WDR7: variants seen among roughly 807,000 people sequenced by gnomAD.
WDR7 encodes WD repeat-containing protein 7.
In WDR7, 46 loss-of-function variants were observed where a neutral mutation model predicts 169.4. The ratio of observed to expected loss-of-function variants is 0.27; its 90% CI spans 0.21 to 0.35. The LOEUF (loss-of-function observed/expected upper bound fraction) is 0.35, where lower values mean the gene tolerates loss of function less well. Ranked by LOEUF, WDR7 falls within the 10% of genes least tolerant of loss-of-function variation. The probability of loss-of-function intolerance (pLI) is 1.00; values close to 1 mark genes in which losing one functional copy is unlikely to be tolerated. For synonymous variants in WDR7, 612 were observed against 666.8 expected, an observed-to-expected ratio of 0.92 and a Z score of 1.27; for missense variants, 1,534 against 1,859.3, an observed-to-expected ratio of 0.83 and a Z score of 3.22.
chr18:56,667,850 A>G (rs2025056112), intron 1 of WDR7, among the ~76,000 whole-genome samples: 1 of 152,118 alleles, frequency 6.6e-6, no homozygotes, highest in Admixed American at 6.5e-5. Context: ...TTCACCATAT[A>G]TTTATTAAAG....
At chr18:56,719,987 A>G (rs1416320258) in intron 13 of WDR7, among the ~76,000 whole-genome samples, 1 of 152,158 alleles carries the variant, frequency 6.6e-6, no homozygotes, top group Non-Finnish European at 1.5e-5. Flanking sequence ...ATGCATGTGT[A>G]TCTATTTCCT....
intron 20 of WDR7, among the ~76,000 whole-genome samples, chr18:56,829,385 C>T (rs1482037606): frequency 1.3e-5 from 2 of 152,140 alleles, no homozygotes; most frequent in Middle Eastern, 3.4e-3. Context: ...GAGAGAGAAG[C>T]ATTTAGGCTG....
At chr18:56,955,114 T>C (rs531511843) in intron 25 of WDR7, among the ~76,000 whole-genome samples, 1 of 152,310 alleles carries the variant, frequency 6.6e-6, no homozygotes, top group East Asian at 1.9e-4. Flanking sequence ...TAATGGGATG[T>C]AAAGTAGCTT....
chr18:56,969,464 A>G (rs545959233), intron 26 of WDR7, among the ~76,000 whole-genome samples: 174 of 152,354 alleles, frequency 1.1e-3, no homozygotes, highest in African/African-American at 4.1e-3. Flanking sequence ...TTACACAGGA[A>G]GCATTCAGAA....
At chr18:56,974,185 C>T (rs2047531643) in intron 26 of WDR7, among the ~76,000 whole-genome samples, 1 of 152,082 alleles carries the variant, frequency 6.6e-6, no homozygotes, top group Non-Finnish European at 1.5e-5. Flanking sequence ...CACCTAATTT[C>T]ATGTGTGTAC....
chr18:56,991,714 C>G (rs988546254), intron 26 of WDR7, among the ~76,000 whole-genome samples: 2 of 152,102 alleles, frequency 1.3e-5, no homozygotes, highest in Non-Finnish European at 2.9e-5. Flanking sequence ...TAACTGATAC[C>G]TTTATTTGAA....
At chr18:56,912,361 C>T (rs2046564582) in intron 21 of WDR7, among the ~76,000 whole-genome samples, 1 of 152,238 alleles carries the variant, frequency 6.6e-6, no homozygotes, top group African/African-American at 2.4e-5. Context: ...GTTACAGGAA[C>T]ACCAAGTTTA....
At chr18:56,868,878 T>G (rs1237340227) in intron 20 of WDR7, among the ~76,000 whole-genome samples, 1 of 152,182 alleles carries the variant, frequency 6.6e-6, no homozygotes. Flanking sequence ...ATAAGACTTC[T>G]GATTACTTAG....
At chr18:56,660,356 G>T (rs767597476) in intron 1 of WDR7, among the ~76,000 whole-genome samples, 18 of 152,140 alleles carry the variant, frequency 1.2e-4, no homozygotes, top group Non-Finnish European at 2.6e-4. Context: ...AATCCAAAAT[G>T]CTCCAAAATC....
At chr18:56,943,134 A>G (rs2047055410) in intron 25 of WDR7, among the ~76,000 whole-genome samples, 1 of 152,224 alleles carries the variant, frequency 6.6e-6, no homozygotes, top group African/African-American at 2.4e-5. Context: ...ACAACAACAA[A>G]GGTAACATAT....
chr18:56,781,705 A>G (rs746708654), intron 19 of WDR7, 49 bp downstream of exon 19: 42 of 1,476,736 alleles, frequency 2.8e-5, no homozygotes, highest in Non-Finnish European at 3.5e-5. Context: ...ATATGTAGAA[A>G]AGGTACCTGT....
intron 1 of WDR7, among the ~76,000 whole-genome samples, chr18:56,653,858 C>T (rs1303401552): frequency 1.3e-5 from 2 of 152,112 alleles, no homozygotes; most frequent in Non-Finnish European, 2.9e-5. Context: ...TTTTAGACCT[C>T]TGTGATACTT....
Position 56,872,896 on chromosome 18 carries a change from A to T in WDR7, c.3305-7048A>T, listed in dbSNP as rs192925819. The T allele has an allele frequency of 8.5e-5, 13 of 152,260 alleles. 1 individual carries two copies. The East Asian group carries it at 1.9e-3, about 23-fold the overall frequency. 9.4% of individuals were successfully genotyped at this position (152,260 alleles called of 1,614,324 possible). ...TATTTTTAATATCTCAAAATCTTCCATTTGGTTGTCATTTTATTTGTAGGA... is the reference window on the plus strand; with the variant it reads ...TATTTTTAATATCTCAAAATCTTCCTTTTGGTTGTCATTTTATTTGTAGGA... On this transcript the variant is annotated intron_variant, in intron 20 of 27. Transcript: ENST00000254442.
chr18:56,975,141 C>G (rs866577441), intron 26 of WDR7, among the ~76,000 whole-genome samples: 1 of 151,908 alleles, frequency 6.6e-6, no homozygotes, highest in African/African-American at 2.4e-5. Flanking sequence ...GAGGCAGAGG[C>G]AGGAGAATCG....
rs142618980 is a variant in WDR7, at chr18:56,889,769, G to A, written c.3526+9604G>A. 5.3e-3 allele frequency among the ~76,000 whole-genome samples: 802 copies of A among 152,306 alleles called. 7 individuals are homozygous for A. The highest frequency in any genetic ancestry group is 0.018 in the African/African-American group (767 of 41,576). On this transcript the variant is annotated intron_variant, in intron 21 of 27. Coordinates refer to ENST00000254442, the MANE Select transcript of WDR7 (RefSeq NM_015285.3). ...AGAAGAGAGGAGGGGATGCCAGCAA[G>A]TACCAGGTCACCTGTGAATACGGAC...
At chr18:56,991,212 T>A (rs533175703) in intron 26 of WDR7, among the ~76,000 whole-genome samples, 71 of 143,756 alleles carry the variant, frequency 4.9e-4, no homozygotes, top group South Asian at 1.1e-3. Flanking sequence ...AGTGGCACGA[T>A]CGCGGCTCAC....
intron 12 of WDR7, among the ~76,000 whole-genome samples, chr18:56,712,230 G>A (rs1202254874): frequency 6.6e-6 from 1 of 152,184 alleles, no homozygotes; most frequent in Non-Finnish European, 1.5e-5. Flanking sequence ...TGTAATTCAT[G>A]GCAGATGCTT....
chr18:56,938,509 C>T (rs758705268), intron 23 of WDR7, 24 bp from the exon 24 acceptor site: 1 of 1,611,516 alleles, frequency 6.2e-7, no homozygotes, highest in East Asian at 2.2e-5. Flanking sequence ...TCAATCATAT[C>T]TACAGCATAG....
At chr18:56,717,817 G>T in intron 12 of WDR7, 147 bp from the exon 13 acceptor site, 1 of 631,234 alleles carries the variant, frequency 1.6e-6, no homozygotes, top group South Asian at 3.1e-5. Flanking sequence ...TAATATAAAG[G>T]AACATACTTT....
Sources: gnomAD v4.1 joint callset for allele counts (sites outside exome capture counted in the v4.1 genomes callset) on GRCh38, gnomAD v4.1.1 for gene constraint, MANE v1.5 for transcripts, NCBI Gene and HGNC (gene_info 2026-07-23, HGNC 2026-07-21) for gene names.